The following CD36 variants were observed in gnomAD, a reference collection of about 807,000 sequenced individuals.
CD36 encodes the protein platelet glycoprotein 4.
A neutral mutation model predicts 55.2 loss-of-function variants in CD36; 119 were observed. The observed-to-expected ratio is 2.15, with a 90% CI of 1.86 to 2.51. The LOEUF is 2.51. Ranked by LOEUF, CD36 falls within the 30% of genes most tolerant of loss-of-function variation. The probability of loss-of-function intolerance (pLI) is 0.00; values close to 1 mark genes in which losing one functional copy is unlikely to be tolerated. For missense variants in CD36, 819 were observed against 555.5 expected (o/e 1.47, Z -4.77); for synonymous variants, 186 against 193.6 (o/e 0.96, Z 0.33).
chr7:80,664,715 T>C (rs1796873396), intron 7 of CD36, among the ~76,000 whole-genome samples: 1 of 152,126 alleles, frequency 6.6e-6, no homozygotes, highest in Non-Finnish European at 1.5e-5. Flanking sequence ...AGCTCCACTT[T>C]AAGGTTTGGT....
At chr7:80,605,689 T>C (rs1004512635) in intron 1 of CD36, among the ~76,000 whole-genome samples, 4 of 152,220 alleles carry the variant, frequency 2.6e-5, no homozygotes, top group African/African-American at 4.8e-5. Flanking sequence ...AGCTTTAGGA[T>C]TGATAACTTC....
rs370990440 is a variant in CD36 at position 80,640,744 on chromosome 7, T to G, written c.-184+1998T>G. 4.6e-5 allele frequency among the ~76,000 whole-genome samples: 7 copies of G among 152,198 alleles called. No homozygotes were observed. The East Asian group carries it at 7.7e-4, about 17-fold the overall frequency. On this transcript the variant is annotated intron_variant, in intron 1 of 14. Coordinates refer to ENST00000447544, the MANE Select transcript of CD36 (RefSeq NM_001001548.3). ...CAAACCTACAGTAATCCCTGGTTCA[T>G]AAGTCTTTAAAAGACGGGACTTGTT...
At chr7:80,673,188 T>C (rs371010531) in intron 12 of CD36, 167 bp from the exon 13 acceptor site, 5 of 533,104 alleles carry the variant, frequency 9.4e-6, no homozygotes, top group East Asian at 3.0e-5. Context: ...TTAGAAGACA[T>C]ATAAGAGCAA....
At chr7:80,660,739 T>C (rs1278004351) in intron 4 of CD36, among the ~76,000 whole-genome samples, 1 of 152,208 alleles carries the variant, frequency 6.6e-6, no homozygotes, top group East Asian at 1.9e-4. Context: ...TGTAGACTTG[T>C]ACTAAAAAGT....
At chr7:80,660,521 C>T (rs989280155) in intron 4 of CD36, among the ~76,000 whole-genome samples, 3 of 152,116 alleles carry the variant, frequency 2.0e-5, no homozygotes, top group Non-Finnish European at 2.9e-5. Context: ...GATAAAGTCT[C>T]GTTTGAGTAT....
chr7:80,625,455 C>CAA (rs1793690994), intron 1 of CD36, among the ~76,000 whole-genome samples: 1 of 152,090 alleles, frequency 6.6e-6, no homozygotes, highest in African/African-American at 2.4e-5. Flanking sequence ...CCGCAGTGGG[C>CAA]ATTGTGTGAA....
chr7:80,668,645 A>C (rs1009193319), intron 8 of CD36, among the ~76,000 whole-genome samples: 3 of 152,212 alleles, frequency 2.0e-5, no homozygotes, highest in Non-Finnish European at 4.4e-5. Context: ...ATTTTAGATA[A>C]TGATCTTAAA....
chr7:80,648,813 A>G (rs1795374140), intron 3 of CD36, among the ~76,000 whole-genome samples: 1 of 152,130 alleles, frequency 6.6e-6, no homozygotes, highest in South Asian at 2.1e-4. Context: ...GAATTTTGAA[A>G]GTCTCAAATA....
At chr7:80,673,163 A>C (rs539266813) in intron 12 of CD36, 192 bp from the exon 13 acceptor site, 1 of 518,150 alleles carries the variant, frequency 1.9e-6, no homozygotes, top group Non-Finnish European at 3.4e-6. Flanking sequence ...CACTTGTGAA[A>C]AAAAATCAAT....
intron 1 of CD36, among the ~76,000 whole-genome samples, chr7:80,642,551 G>T (rs1017820429): frequency 2.0e-5 from 3 of 152,068 alleles, no homozygotes; most frequent in African/African-American, 7.2e-5. Flanking sequence ...TTTGCCTCAG[G>T]TGAATAAAAC....
At chr7:80,674,807 T>C (rs898721734) in intron 14 of CD36, among the ~76,000 whole-genome samples, 1 of 152,058 alleles carries the variant, frequency 6.6e-6, no homozygotes, top group South Asian at 2.1e-4. Context: ...CTATTTTTCT[T>C]CAGCCCACCT....
At position 80,677,230 on chromosome 7, in the gene CD36, T is replaced by C. The variant is rs962381097; in HGVS notation, c.*847T>C. On this transcript the variant is annotated 3_prime_UTR_variant, in exon 15 of 15. Transcript: ENST00000447544. ...TTCATCCTTTACAGCAGTAGGACAA[T>C]TGCAAAGGTTTTTCCTTTTTCATAA... 12 of 152,168 alleles carry C rather than the reference T, an allele frequency of 7.9e-5. No individual in the cohort carries two copies. The highest frequency in any genetic ancestry group is 2.4e-4 in the African/African-American group (10 of 41,432). The allele number at this position is 152,168 out of a possible 1,614,324, so 9.4% of individuals were successfully genotyped here. A position where few individuals can be genotyped will look rare whatever the true frequency, so the allele number is the denominator to read the frequency against.
intron 1 of CD36, among the ~76,000 whole-genome samples, chr7:80,607,615 T>C (rs1221950847): frequency 1.3e-5 from 2 of 152,146 alleles, no homozygotes; most frequent in East Asian, 1.9e-4. Context: ...CTAAGTGATA[T>C]TATCAATTTT....
rs546172208 is a variant in CD36, at chr7:80,664,339, G to A, written c.610-67G>A. On this transcript the variant is annotated intron_variant, in intron 6 of 14. Coordinates refer to ENST00000447544, the MANE Select transcript of CD36 (RefSeq NM_001001548.3). The stretch of plus-strand genomic sequence containing the variant: ...CAGTGATTGAGAAATGTGAAAGTGA[G>A]TTATGTATTGTACAACTTTGAAAAA... The A allele has an allele frequency of 3.6e-6, 3 of 825,554 alleles. No homozygotes were observed. The Admixed American group carries it at 5.1e-5, about 14-fold the overall frequency. The allele number at this position is 825,554 out of a possible 1,614,324, so 51.1% of individuals were successfully genotyped here. A position where few individuals can be genotyped will look rare whatever the true frequency, so the allele number is the denominator to read the frequency against.
chr7:80,675,336 A>G (rs189062003), intron 14 of CD36, among the ~76,000 whole-genome samples: 1 of 152,284 alleles, frequency 6.6e-6, no homozygotes, highest in Non-Finnish European at 1.5e-5. Flanking sequence ...GTAAAACAAA[A>G]TAACAAAAAA....
At chr7:80,657,256 C>T (rs559033258) in intron 4 of CD36, among the ~76,000 whole-genome samples, 1 of 152,084 alleles carries the variant, frequency 6.6e-6, no homozygotes, top group Non-Finnish European at 1.5e-5. Flanking sequence ...AAGAGTTTTA[C>T]AAATCCTGGG....
chr7:80,672,880 G>GAAGATACTACGA, intron 12 of CD36, 37 bp downstream of exon 12: 2 of 1,228,200 alleles, frequency 1.6e-6, no homozygotes, highest in Non-Finnish European at 1.2e-6. Context: ...GATATGATCT[G>GAAGATACTACGA]TAGTATCGTA....
At chr7:80,659,205 G>T (rs1434499948) in intron 4 of CD36, among the ~76,000 whole-genome samples, 1 of 152,120 alleles carries the variant, frequency 6.6e-6, no homozygotes, top group Non-Finnish European at 1.5e-5. Context: ...AGCTAAACAT[G>T]CTTTTTCATA....
chr7:80,665,276 A>C (rs894237032), intron 7 of CD36, among the ~76,000 whole-genome samples: 1 of 152,038 alleles, frequency 6.6e-6, no homozygotes, highest in African/African-American at 2.4e-5. Context: ...GAAGAACCCT[A>C]ATAAATATCA....
Sources: gnomAD v4.1 joint callset for allele counts (sites outside exome capture counted in the v4.1 genomes callset) on GRCh38, gnomAD v4.1.1 for gene constraint, MANE v1.5 for transcripts, NCBI Gene and HGNC (gene_info 2026-07-23, HGNC 2026-07-21) for gene names.